The following NFIA variants were observed in gnomAD, a reference collection of about 807,000 sequenced individuals.
The protein encoded by NFIA is nuclear factor I A.
NFIA carries 8 observed loss-of-function variants against 62.8 expected under a neutral mutation model. The observed-to-expected ratio is 0.13, with a 90% CI of 0.07 to 0.23. NFIA has a LOEUF of 0.23. NFIA is among the 10% of genes least tolerant of loss of function. NFIA has a pLI of 1.00. For synonymous variants in NFIA, 235 were observed against 238.1 expected, an observed-to-expected ratio of 0.99 and a Z score of 0.12; for missense variants, 410 against 642.1, an observed-to-expected ratio of 0.64 and a Z score of 3.91.
At chr1:61,081,210 C>T (rs1557549298), upstream of NFIA, among the ~76,000 whole-genome samples, 1 of 151,776 alleles carries the variant, frequency 6.6e-6, no homozygotes, top group African/African-American at 2.4e-5. Flanking sequence ...GGCAGGTAGG[C>T]TTTCCCCCCT....
chr1:61,239,464 AT>A (rs1181463788), intron 2 of NFIA, among the ~76,000 whole-genome samples: 1 of 152,148 alleles, frequency 6.6e-6, no homozygotes, highest in Non-Finnish European at 1.5e-5. Context: ...TTCTGAAAAT[AT>A]TTTTAGTTGC....
intron 3 of NFIA, among the ~76,000 whole-genome samples, chr1:61,286,991 G>T (rs1427852817): frequency 6.6e-6 from 1 of 152,174 alleles, no homozygotes; most frequent in Non-Finnish European, 1.5e-5. Flanking sequence ...AAACAAGGGA[G>T]AGAATAGTTG....
chr1:61,437,709 G>T (rs1342976995), intron 10 of NFIA, among the ~76,000 whole-genome samples: 1 of 152,204 alleles, frequency 6.6e-6, no homozygotes, highest in African/African-American at 2.4e-5. Flanking sequence ...GAAGCATGGA[G>T]CTCATGGAAG....
At chr1:61,438,495 C>A (rs1667431946) in intron 10 of NFIA, among the ~76,000 whole-genome samples, 1 of 152,192 alleles carries the variant, frequency 6.6e-6, no homozygotes, top group Admixed American at 6.5e-5. Context: ...TGAGCTAAAT[C>A]TCTTCTCACC....
intron 2 of NFIA, among the ~76,000 whole-genome samples, chr1:61,168,351 G>T (rs756828109): frequency 6.6e-6 from 1 of 152,096 alleles, no homozygotes; most frequent in Non-Finnish European, 1.5e-5. Context: ...CTGTCTCTGC[G>T]TGTGCATGTA....
At chr1:61,422,958 G>A (rs1666701825) in intron 9 of NFIA, among the ~76,000 whole-genome samples, 1 of 152,126 alleles carries the variant, frequency 6.6e-6, no homozygotes. Context: ...TTGTCTAAGT[G>A]AAGGATTATA....
chr1:61,159,393 G>A (rs1041371770), intron 2 of NFIA, among the ~76,000 whole-genome samples: 1 of 152,096 alleles, frequency 6.6e-6, no homozygotes, highest in Non-Finnish European at 1.5e-5. Context: ...ATGTGCATAC[G>A]AATCAACTGG....
At chr1:61,313,302 C>T (rs1660208161) in intron 3 of NFIA, among the ~76,000 whole-genome samples, 1 of 152,134 alleles carries the variant, frequency 6.6e-6, no homozygotes, top group African/African-American at 2.4e-5. Context: ...GTGGGCTGTG[C>T]AGGGAGCATG....
At chr1:61,267,193 G>A (rs527401913) in intron 2 of NFIA, among the ~76,000 whole-genome samples, 51 of 152,194 alleles carry the variant, frequency 3.4e-4, no homozygotes, top group African/African-American at 1.0e-3. Context: ...AAGGAGAAAA[G>A]TCTGATTTAA....
At chr1:61,202,263 A>G (rs1652553937) in intron 2 of NFIA, among the ~76,000 whole-genome samples, 1 of 152,212 alleles carries the variant, frequency 6.6e-6, no homozygotes, top group Non-Finnish European at 1.5e-5. Flanking sequence ...AAGGCAGGAA[A>G]ACACTGTGGT....
At chr1:61,238,007 A>C (rs1233660248) in intron 2 of NFIA, among the ~76,000 whole-genome samples, 2 of 152,246 alleles carry the variant, frequency 1.3e-5, no homozygotes, top group Non-Finnish European at 2.9e-5. Flanking sequence ...TTGTATGTAC[A>C]TGCTCTGTGG....
At chr1:61,176,726 A>T (rs553317565) in intron 2 of NFIA, among the ~76,000 whole-genome samples, 17 of 151,882 alleles carry the variant, frequency 1.1e-4, no homozygotes, top group East Asian at 9.6e-4. Flanking sequence ...TTCTTTAAAA[A>T]TTTTTTTTTC....
chr1:61,267,220 A>G (rs967693214), intron 2 of NFIA, among the ~76,000 whole-genome samples: 3 of 152,092 alleles, frequency 2.0e-5, no homozygotes, highest in African/African-American at 7.2e-5. Flanking sequence ...ATATTTTTAT[A>G]CTTTTAGGCT....
intron 2 of NFIA, among the ~76,000 whole-genome samples, chr1:61,221,355 G>T (rs1360115867): frequency 6.6e-6 from 1 of 152,066 alleles, no homozygotes; most frequent in African/African-American, 2.4e-5. Context: ...CCTGCTTCCA[G>T]AAAGATAATT....
chr1:61,319,056 C>T (rs1458772820), intron 3 of NFIA, among the ~76,000 whole-genome samples: 1 of 152,018 alleles, frequency 6.6e-6, no homozygotes, highest in African/African-American at 2.4e-5. Flanking sequence ...AGTATGGAGT[C>T]CTGTGTAGGA....
chr1:61,423,763 C>A (rs1489085304), intron 9 of NFIA, among the ~76,000 whole-genome samples: 1 of 152,100 alleles, frequency 6.6e-6, no homozygotes, highest in Non-Finnish European at 1.5e-5. Context: ...AAATCAAATT[C>A]AACTTATGTT....
intron 1 of NFIA, among the ~76,000 whole-genome samples, chr1:61,084,539 A>G (rs1040031507): frequency 6.6e-6 from 1 of 152,126 alleles, no homozygotes; most frequent in African/African-American, 2.4e-5. Context: ...TATGGATAAG[A>G]TGCAAAGTGT....
chr1:61,405,485 A>G (rs1208393094), intron 8 of NFIA, among the ~76,000 whole-genome samples: 1 of 152,170 alleles, frequency 6.6e-6, no homozygotes, highest in Non-Finnish European at 1.5e-5. Flanking sequence ...GCCTCTGTAG[A>G]ATTATTAAGC....
rs1176399144 is a variant in NFIA, at chr1:61,334,533, A to ATG, written c.700+1948_700+1949insGT. Among the ~76,000 whole-genome samples the ATG allele has an allele frequency of 8.9e-3, 78 of 8,786 alleles. 4 individuals carry two copies. Among genetic ancestry groups the ATG allele is most frequent in the South Asian group, 0.02 (3 of 148 alleles). 5.8% of individuals were successfully genotyped at this position (8,786 alleles called of 152,430 possible). On this transcript the variant is annotated intron_variant, in intron 4 of 10. Coordinates refer to ENST00000403491, the MANE Select transcript of NFIA (RefSeq NM_001134673.4). ...ATGGGGAGTATTTGTGTGTGTGTATATATGTGTGTGTGTGTGTGTGTGTAT... is the reference window on the plus strand; with the variant it reads ...ATGGGGAGTATTTGTGTGTGTGTATATGTATGTGTGTGTGTGTGTGTGTGTAT...
Sources: allele counts gnomAD v4.1 joint callset (sites outside exome capture counted in the v4.1 genomes callset), GRCh38; gene constraint gnomAD v4.1.1; transcripts MANE v1.5; gene names NCBI Gene and HGNC (gene_info 2026-07-23, HGNC 2026-07-21).